KCTD19: variants seen among roughly 807,000 people sequenced by gnomAD.
The protein encoded by KCTD19 is potassium channel tetramerization domain containing 19, also known as BTB/POZ domain-containing protein KCTD19.
KCTD19 carries 67 observed loss-of-function variants against 103.5 expected under a neutral mutation model. The observed-to-expected ratio is 0.65, with a 90% CI of 0.53 to 0.79. The LOEUF (loss-of-function observed/expected upper bound fraction) is 0.79. Among genes scored for constraint, KCTD19 ranks in the 30% least tolerant of loss-of-function variants. KCTD19 has a pLI of 0.00. For synonymous variants in KCTD19, 439 were observed against 452.2 expected (o/e 0.97, Z 0.37); for missense variants, 980 against 1,136.1 (o/e 0.86, Z 1.98).
rs192999133 is a variant in KCTD19, at chr16:67,307,256, C to T, written c.301-2685G>A. Reference sequence around the variant, plus strand: ...CTTGACCTACTGGGCTCAACTGATCCTCCCACCTCACCCTCCTGAGTAGCT... The same window carrying T: ...CTTGACCTACTGGGCTCAACTGATCTTCCCACCTCACCCTCCTGAGTAGCT... On this transcript the variant is annotated intron_variant, in intron 2 of 15. Transcript: ENST00000304372. 1.9e-4 allele frequency among the ~76,000 whole-genome samples: 29 copies of T among 151,686 alleles called. 1 individual carries two copies. Among genetic ancestry groups the T allele is most frequent in the Admixed American group, 1.8e-3 (27 of 15,228 alleles).
intron 2 of KCTD19, among the ~76,000 whole-genome samples, chr16:67,313,542 G>T (rs2036970878): frequency 1.3e-5 from 2 of 152,062 alleles, no homozygotes; most frequent in African/African-American, 4.8e-5. Flanking sequence ...TTCGTCCATG[G>T]GCTGTAGTTT....
In KCTD19 at chr16:67,320,558, C is replaced by A; in HGVS notation, c.300+31G>T. The A allele has an allele frequency of 6.2e-7, 1 of 1,602,746 alleles. No individual in the cohort carries two copies. The highest frequency in any genetic ancestry group is 1.1e-5 in the South Asian group (1 of 90,092). On this transcript the variant is annotated intron_variant, in intron 2 of 15. Coordinates refer to ENST00000304372, the MANE Select transcript of KCTD19 (RefSeq NM_001100915.3). This position sits in a 1 kb window ranked among gnomAD's most constrained non-coding sequence, Gnocchi z 4.0. ...AGTGATGTAAAGCCATGTTACTGATCCACCACTCCCAGAAAACAAGAGCAT... is the reference window on the plus strand; with the variant it reads ...AGTGATGTAAAGCCATGTTACTGATACACCACTCCCAGAAAACAAGAGCAT...
chr16:67,299,433 G>T lies in KCTD19; in HGVS notation c.916C>A (p.Arg306Ser). 6.2e-7 allele frequency: 1 copy of T among 1,614,266 alleles called. No individual in the cohort carries two copies. Among genetic ancestry groups the T allele is most frequent in the Admixed American group, 1.7e-5 (1 of 60,034 alleles). ...CTTCCGTCTAGCGTGCTCTCGATGC[G>T]AAGCTGGCCCAGCGCAGAGTCCGGG... ...KYPDSALGQLRIESTLDGSRL... is the reference protein window; with the variant it reads ...KYPDSALGQLSIESTLDGSRL... Residue 306 changes from arginine (R) to serine (S), a missense_variant, in exon 6 of 16, where the codon CGC (arginine) becomes AGC (serine). Arg to Ser is a moderately radical substitution (Grantham distance 110). Coordinates refer to ENST00000304372, the MANE Select transcript of KCTD19 (RefSeq NM_001100915.3).
intron 7 of KCTD19, 103 bp from the exon 8 acceptor site, chr16:67,296,362 T>C: frequency 1.3e-6 from 1 of 749,942 alleles, no homozygotes; most frequent in Non-Finnish European, 2.4e-6. Context: ...CTCAATATCT[T>C]TCCTCAGTCA....
chr16:67,298,017 G>A (rs1386000451), intron 6 of KCTD19, among the ~76,000 whole-genome samples: 20 of 133,666 alleles, frequency 1.5e-4, no homozygotes, highest in South Asian at 7.1e-4. Flanking sequence ...TTTTTGAGAC[G>A]GAGTCTAACT....
chr16:67,322,797 T>C (rs2142527093), intron 1 of KCTD19, among the ~76,000 whole-genome samples: 1 of 152,300 alleles, frequency 6.6e-6, no homozygotes, highest in African/African-American at 2.4e-5. Context: ...AACAAAATAT[T>C]TGCAAATCAT....
At chr16:67,314,386 T>C (rs2036980657) in intron 2 of KCTD19, among the ~76,000 whole-genome samples, 1 of 151,962 alleles carries the variant, frequency 6.6e-6, no homozygotes, top group South Asian at 2.1e-4. Flanking sequence ...CACAATCTAC[T>C]TCAATACCCC....
chr16:67,311,971 A>T (rs1051926612), intron 2 of KCTD19, among the ~76,000 whole-genome samples: 3 of 152,222 alleles, frequency 2.0e-5, no homozygotes, highest in Non-Finnish European at 4.4e-5. Context: ...GAGTAATGGG[A>T]AATGTGAGAC....
At position 67,297,618 on chromosome 16, in the gene KCTD19, G is replaced by A. The variant is rs777176067; in HGVS notation, c.1032C>T (p.Ser344=). 21 of 1,613,916 alleles carry A rather than the reference G, an allele frequency of 1.3e-5. No homozygotes were observed. The highest frequency in any genetic ancestry group is 3.3e-5 in the Admixed American group (2 of 59,988). ...TCRLPLTETI[S]EVYELCAFLD... is the part of the protein sequence containing the mutation. ...GGAAGGCACAGAGCTCATATACCTC[G>A]GAAATGGTCTCTGTCAGGGGCAGCC... Residue 344 remains serine, a synonymous_variant, in exon 7 of 16, where the codon TCC becomes TCT. Coordinates refer to ENST00000304372, the MANE Select transcript of KCTD19 (RefSeq NM_001100915.3).
rs752707289 is a variant in KCTD19 at position 67,297,634 on chromosome 16, A to G, written c.1016T>C (p.Leu339Pro). ...ATATACCTCGGAAATGGTCTCTGTC[A>G]GGGGCAGCCGGCAAGTCCCCAGCCA... ...KNWLGTCRLPLTETISEVYEL... is the reference protein window; with the variant it reads ...KNWLGTCRLPPTETISEVYEL... The change falls in exon 7 of 16, where the codon CTG becomes CCG. Residue 339 changes from leucine to proline, a missense_variant. Coordinates refer to ENST00000304372, the MANE Select transcript of KCTD19 (RefSeq NM_001100915.3). The G allele has an allele frequency of 6.2e-7, 1 of 1,613,988 alleles. No homozygotes were observed.
intron 2 of KCTD19, among the ~76,000 whole-genome samples, chr16:67,316,799 C>T (rs1208791362): frequency 2.0e-5 from 3 of 149,138 alleles, no homozygotes; most frequent in Admixed American, 6.8e-5. Context: ...CAAGTGTATC[C>T]TTTGGAGGCC....
chr16:67,298,441 C>T lies in KCTD19; in HGVS notation c.987-778G>A, dbSNP rs191688712. Among the ~76,000 whole-genome samples the T allele has an allele frequency of 7.9e-5, 12 of 152,276 alleles. No homozygotes were observed. In the East Asian group the frequency reaches 2.3e-3, roughly 29 times the overall value. On this transcript the variant is annotated intron_variant, in intron 6 of 15. Transcript: ENST00000304372. ...TGTCTCCAGGCCGTGTTTCCGGTTCCAGGGCCAGCCCAGGGCCCAGTCGCT... is the reference window on the plus strand; with the variant it reads ...TGTCTCCAGGCCGTGTTTCCGGTTCTAGGGCCAGCCCAGGGCCCAGTCGCT...
chr16:67,302,592 C>A (rs1328817589), intron 4 of KCTD19: 1 of 156,864 alleles, frequency 6.4e-6, no homozygotes, highest in Non-Finnish European at 1.4e-5. Flanking sequence ...GGGAGAGAGG[C>A]TCTCTCTGTC....
chr16:67,294,562 G>C lies in KCTD19; in HGVS notation c.1590+18C>G. ...TGGTTTTTGAGGATAACACCAACCA[G>C]AGGAGGCTGGTGCTTACTTCTTTAG... On this transcript the variant is annotated intron_variant, in intron 11 of 15. Coordinates refer to ENST00000304372, the MANE Select transcript of KCTD19 (RefSeq NM_001100915.3). 6.5e-7 allele frequency: 1 copy of C among 1,537,470 alleles called. No individual in the cohort carries two copies. The highest frequency in any genetic ancestry group is 1.1e-5 in the South Asian group (1 of 89,562).
chr16:67,314,826 TATATAGAGAGAGAG>T lies in KCTD19; in HGVS notation c.300+5749_300+5762del, dbSNP rs1250144950. Among the ~76,000 whole-genome samples the T allele has an allele frequency of 7.6e-3, 418 of 55,182 alleles. 2 individuals carry two copies. The highest frequency in any genetic ancestry group is 0.011 in the Non-Finnish European group (343 of 32,214). The allele number at this position is 55,182 out of a possible 152,430, so 36.2% of individuals were successfully genotyped here. A position where few individuals can be genotyped will look rare whatever the true frequency, so the allele number is the denominator to read the frequency against. ...ATATATATATATATATATATATATA[TATATAGAGAGAGAG>T]AGAGAGAGAGAGAGAGAGAGAGAGA... On this transcript the variant is annotated intron_variant, in intron 2 of 15. Transcript: ENST00000304372.
intron 6 of KCTD19, among the ~76,000 whole-genome samples, chr16:67,299,041 A>G: frequency 6.6e-6 from 1 of 152,250 alleles, no homozygotes; most frequent in South Asian, 2.1e-4. Context: ...ACAGGGAGGT[A>G]CCCAGCTCCC....
chr16:67,298,284 C>A (rs1002823757), intron 6 of KCTD19, among the ~76,000 whole-genome samples: 1 of 152,222 alleles, frequency 6.6e-6, no homozygotes, highest in East Asian at 1.9e-4. Flanking sequence ...TGAGCCACCG[C>A]GCCCAGCCCG....
At chr16:67,325,480 G>T (rs1205459413) in intron 1 of KCTD19, among the ~76,000 whole-genome samples, 1 of 151,746 alleles carries the variant, frequency 6.6e-6, no homozygotes, top group Admixed American at 6.6e-5. Flanking sequence ...CTGACCTCGT[G>T]ATCCACATGC....
chr16:67,295,152 G>T (rs921405095), intron 9 of KCTD19, 96 bp from the exon 10 acceptor site: 1 of 1,562,768 alleles, frequency 6.4e-7, no homozygotes, highest in African/African-American at 1.4e-5. Flanking sequence ...CAGTTCCCAC[G>T]ATGGAAATAA....
Sources: gnomAD v4.1 joint callset for allele counts (sites outside exome capture counted in the v4.1 genomes callset) on GRCh38, gnomAD v4.1.1 for gene constraint, Gnocchi (gnomAD v3.1) non-coding constraint, MANE v1.5 for transcripts, NCBI Gene and HGNC (gene_info 2026-07-23, HGNC 2026-07-21) for gene names.